Variants in PARD3B observed in about 807,000 individuals in gnomAD.
The protein encoded by PARD3B is partitioning defective 3 homolog B.
PARD3B carries 103 observed loss-of-function variants against 130.2 expected under a neutral mutation model. That is an observed-to-expected ratio of 0.79 (90% confidence interval 0.67 to 0.93). The LOEUF (loss-of-function observed/expected upper bound fraction) is 0.93, where lower values mean the gene tolerates loss of function less well. Among genes scored for constraint, PARD3B ranks in the 40% least tolerant of loss-of-function variants. PARD3B has a pLI of 0.00. For synonymous variants in PARD3B, 583 were observed against 553.2 expected, an observed-to-expected ratio of 1.05 and a Z score of -0.76; for missense variants, 1,609 against 1,499.2, an observed-to-expected ratio of 1.07 and a Z score of -1.21.
intron 2 of PARD3B, among the ~76,000 whole-genome samples, chr2:204,752,584 T>C (rs1215033863): frequency 6.6e-6 from 1 of 152,202 alleles, no homozygotes; most frequent in Non-Finnish European, 1.5e-5. Flanking sequence ...TAGAACGAAA[T>C]TCATTATTCC....
At chr2:204,784,761 G>A (rs75163959) in intron 2 of PARD3B, among the ~76,000 whole-genome samples, 2,783 of 152,200 alleles carry the variant, frequency 0.018, 84 homozygotes, top group African/African-American at 0.062. Flanking sequence ...AAGTTGATAC[G>A]ATTATTTTTA....
rs2042428259 is a variant in PARD3B at position 205,146,963 on chromosome 2, G to A, written c.1435-11759G>A. Among the ~76,000 whole-genome samples, 1 of 152,004 alleles carries A rather than the reference G, an allele frequency of 6.6e-6. No individual in the cohort carries two copies. Among genetic ancestry groups the A allele is most frequent in the Admixed American group, 6.5e-5 (1 of 15,268 alleles). ...ACTCCTGACCTCAAGTGTTCTGCCTGCCTTGGCCTCCCAAAGTCCTGGGAT... is the reference window on the plus strand; with the variant it reads ...ACTCCTGACCTCAAGTGTTCTGCCTACCTTGGCCTCCCAAAGTCCTGGGAT... On this transcript the variant is annotated intron_variant, in intron 10 of 22. Transcript: ENST00000406610. This position sits in a 1 kb window ranked among gnomAD's most constrained non-coding sequence, Gnocchi z 4.3.
chr2:204,566,881 CT>C (rs1232686164), intron 1 of PARD3B, among the ~76,000 whole-genome samples: 2,242 of 140,250 alleles, frequency 0.016, 28 homozygotes, highest in African/African-American at 0.035. Flanking sequence ...TTCTAAACCT[CT>C]TTTTTTTTTT....
intron 3 of PARD3B, among the ~76,000 whole-genome samples, chr2:205,036,476 T>TAC (rs1697902851): frequency 6.7e-6 from 1 of 148,258 alleles, no homozygotes; most frequent in African/African-American, 2.5e-5. Context: ...TATAGCGGAC[T>TAC]ATATATATAA....
chr2:205,519,129 C>G (rs1468905935), intron 21 of PARD3B, among the ~76,000 whole-genome samples: 2 of 152,118 alleles, frequency 1.3e-5, no homozygotes, highest in African/African-American at 4.8e-5. Flanking sequence ...TGACCGTTGG[C>G]CTGTCTAGCA....
intron 3 of PARD3B, among the ~76,000 whole-genome samples, chr2:204,999,471 A>G (rs114529634): frequency 6.6e-6 from 1 of 152,202 alleles, no homozygotes; most frequent in African/African-American, 2.4e-5. Flanking sequence ...CCAAGAAACT[A>G]TTTAAAATTG....
At position 204,675,515 on chromosome 2, in the gene PARD3B, T is replaced by C. The variant is rs781448849; in HGVS notation, c.121-10666T>C. Among the ~76,000 whole-genome samples, 1 of 152,094 alleles carries C rather than the reference T, an allele frequency of 6.6e-6. No individual in the cohort carries two copies. Among genetic ancestry groups the C allele is most frequent in the Non-Finnish European group, 1.5e-5 (1 of 67,994 alleles). ...TTTCTATATTCTTATAAAGTCAGTGTCTTGAGATGATGTAGACAGTACATT... is the reference window on the plus strand; with the variant it reads ...TTTCTATATTCTTATAAAGTCAGTGCCTTGAGATGATGTAGACAGTACATT... On this transcript the variant is annotated intron_variant, in intron 1 of 22. Transcript: ENST00000406610. This position sits in a 1 kb window ranked among gnomAD's most constrained non-coding sequence, Gnocchi z 4.4.
intron 2 of PARD3B, among the ~76,000 whole-genome samples, chr2:204,750,640 A>G (rs1001358596): frequency 6.6e-6 from 1 of 151,950 alleles, no homozygotes; most frequent in Non-Finnish European, 1.5e-5. Flanking sequence ...ATACACACAC[A>G]CATACATACA....
chr2:205,410,936 A>G (rs1324164371), intron 19 of PARD3B, among the ~76,000 whole-genome samples: 3 of 152,188 alleles, frequency 2.0e-5, no homozygotes, highest in East Asian at 3.8e-4. Context: ...TCACATAGAA[A>G]TACTAACCTA....
In PARD3B at chr2:205,295,084, A is replaced by G. The variant is rs544488830; in HGVS notation, c.2186-5446A>G. On this transcript the variant is annotated intron_variant, in intron 16 of 22. Transcript: ENST00000406610. The stretch of plus-strand genomic sequence containing the variant: ...TTTTGCCTCTAGGAAATCTACTTAA[A>G]AAATCAAACAGAAAATTTTCAGTAA... 2.1e-4 allele frequency among the ~76,000 whole-genome samples: 8 copies of G among 38,148 alleles called. No homozygotes were observed. The South Asian group carries it at 0.01, about 48-fold the overall frequency. The allele number at this position is 38,148 out of a possible 152,430, so 25.0% of individuals were successfully genotyped here.
intron 6 of PARD3B, among the ~76,000 whole-genome samples, chr2:205,114,137 A>G (rs1246506861): frequency 6.6e-6 from 1 of 152,152 alleles, no homozygotes; most frequent in Non-Finnish European, 1.5e-5. Flanking sequence ...ATCCTTTTGG[A>G]ATTTTTAATA....
At chr2:204,858,135 A>G (rs1020422789) in intron 2 of PARD3B, among the ~76,000 whole-genome samples, 2 of 152,198 alleles carry the variant, frequency 1.3e-5, no homozygotes, top group Non-Finnish European at 2.9e-5. Context: ...TATAAACAGC[A>G]TATTTAAACT....
intron 1 of PARD3B, among the ~76,000 whole-genome samples, chr2:204,562,279 C>G (rs530587862): frequency 5.3e-5 from 8 of 152,218 alleles, no homozygotes; most frequent in Non-Finnish European, 7.4e-5. Flanking sequence ...CAGGATGGAC[C>G]ATCAGATCAA....
rs116967269 is a variant in PARD3B at position 204,643,227 on chromosome 2, G to C, written c.121-42954G>C. On this transcript the variant is annotated intron_variant, in intron 1 of 22. Transcript: ENST00000406610. ...CCTTCACCTTCTGCCATGATTGTAA[G>C]TTTCCTGAGGCCTCCCTAGCCGTGC... 1.3e-3 allele frequency among the ~76,000 whole-genome samples: 200 copies of C among 150,500 alleles called. 6 individuals are homozygous for C. In the East Asian group the frequency reaches 0.037, roughly 28 times the overall value.
chr2:204,712,627 C>CA (rs929973560), intron 2 of PARD3B, among the ~76,000 whole-genome samples: 5 of 134,894 alleles, frequency 3.7e-5, no homozygotes, highest in African/African-American at 1.2e-4. Context: ...AAAAAAAAAA[C>CA]AAAAAAAAAA....
chr2:204,646,197 G>A (rs929904813), intron 1 of PARD3B, among the ~76,000 whole-genome samples: 5 of 152,044 alleles, frequency 3.3e-5, no homozygotes, highest in Non-Finnish European at 7.4e-5. Context: ...CACTTCCCTG[G>A]TGAAGAAATG....
intron 2 of PARD3B, among the ~76,000 whole-genome samples, chr2:204,808,270 G>T (rs993122265): frequency 1.4e-4 from 21 of 151,624 alleles, no homozygotes; most frequent in Admixed American, 3.9e-4. Flanking sequence ...TCACTTATTT[G>T]TACACATTTT....
chr2:204,740,114 A>C (rs2039939564), intron 2 of PARD3B, among the ~76,000 whole-genome samples: 1 of 151,624 alleles, frequency 6.6e-6, no homozygotes, highest in Non-Finnish European at 1.5e-5. Context: ...CCCAGGTTCG[A>C]GTGATTCTAC....
At chr2:205,138,277 G>T (rs777900610) in intron 10 of PARD3B, among the ~76,000 whole-genome samples, 2 of 152,072 alleles carry the variant, frequency 1.3e-5, no homozygotes, top group Non-Finnish European at 2.9e-5. Context: ...AGTAGGCCAG[G>T]CATGCTCCTT....
Sources: allele counts gnomAD v4.1 joint callset (sites outside exome capture counted in the v4.1 genomes callset), GRCh38; gene constraint gnomAD v4.1.1; non-coding constraint Gnocchi (gnomAD v3.1); transcripts MANE v1.5; gene names NCBI Gene and HGNC (gene_info 2026-07-23, HGNC 2026-07-21).